The following COX7A2L variants were observed in gnomAD, a reference collection of about 807,000 sequenced individuals.
The protein encoded by COX7A2L is cytochrome c oxidase subunit 7A2-like, mitochondrial.
In COX7A2L, 18 loss-of-function variants were observed where a neutral mutation model predicts 14.2. That is an observed-to-expected ratio of 1.27 (90% CI 0.88 to 1.88). The LOEUF is 1.88. Ranked by LOEUF, COX7A2L falls within the 40% of genes most tolerant of loss-of-function variation. The pLI is 0.00. For missense variants in COX7A2L, 179 were observed against 138.8 expected (o/e 1.29, Z -1.46); for synonymous variants, 65 against 57.4 (o/e 1.13, Z -0.60).
chr2:42,366,272 A>G (rs911434419), intron 1 of COX7A2L, among the ~76,000 whole-genome samples: 6 of 152,304 alleles, frequency 3.9e-5, no homozygotes, highest in African/African-American at 1.4e-4. Context: ...TCTAAAATAC[A>G]AAAATTAGTC....
chr2:42,346,909 C>CT (rs931294608), downstream of COX7A2L, among the ~76,000 whole-genome samples: 7 of 151,820 alleles, frequency 4.6e-5, no homozygotes, highest in Admixed American at 1.3e-4. Flanking sequence ...CTCCAGAGTA[C>CT]TTTTTTTTAA....
intron 2 of COX7A2L, among the ~76,000 whole-genome samples, chr2:42,336,545 A>T (rs1452387169): frequency 3.9e-5 from 6 of 152,152 alleles, no homozygotes; most frequent in Non-Finnish European, 1.5e-5. Context: ...TGATCACAGT[A>T]ACCAAGCCCT....
chr2:42,362,423 C>G (rs1671078708), upstream of COX7A2L, among the ~76,000 whole-genome samples: 1 of 152,192 alleles, frequency 6.6e-6, no homozygotes, highest in Admixed American at 6.5e-5. Context: ...GCCCTAAACT[C>G]ATTTAATCTT....
At chr2:42,361,954 G>T (rs567106967), upstream of COX7A2L, 1 of 152,300 alleles carries the variant, frequency 6.6e-6, no homozygotes, top group Admixed American at 6.5e-5. Flanking sequence ...TAGCCTCCTG[G>T]GCTTTGTGCA....
At position 42,349,781 on chromosome 2, in the gene COX7A2L, A is replaced by G. The variant is rs937074515; in HGVS notation, c.*1438T>C. The G allele has an allele frequency of 6.6e-6, 1 of 152,236 alleles. No homozygotes were observed. The highest frequency in any genetic ancestry group is 1.5e-5 in the Non-Finnish European group (1 of 68,046). The allele number at this position is 152,236 out of a possible 1,614,324, so 9.4% of individuals were successfully genotyped here. A position where few individuals can be genotyped will look rare whatever the true frequency, so the allele number is the denominator to read the frequency against. The stretch of plus-strand genomic sequence containing the variant: ...TGGTTATAAAGGAACACATGTCCTT[A>G]CTCAGAAGATACCTGCTAAAGTACT... On this transcript the variant is annotated 3_prime_UTR_variant, in exon 3 of 3. Coordinates refer to ENST00000234301, the MANE Select transcript of COX7A2L (RefSeq NM_004718.4).
At chr2:42,364,306 T>C (rs994426782), upstream of COX7A2L, among the ~76,000 whole-genome samples, 6 of 150,112 alleles carry the variant, frequency 4.0e-5, no homozygotes, top group Non-Finnish European at 7.4e-5. Flanking sequence ...AAAAAACATG[T>C]AGGCCTGCAG....
chr2:42,352,060 G>A (rs561798790), intron 2 of COX7A2L, among the ~76,000 whole-genome samples: 2 of 152,266 alleles, frequency 1.3e-5, no homozygotes, highest in South Asian at 2.1e-4. Flanking sequence ...GGATGGGGTC[G>A]GAGTACCTCA....
intron 1 of COX7A2L, among the ~76,000 whole-genome samples, chr2:42,356,763 A>C (rs1202492391): frequency 6.6e-6 from 1 of 152,108 alleles, no homozygotes; most frequent in Non-Finnish European, 1.5e-5. Flanking sequence ...TTGTTTCTAC[A>C]AAATATCAAA....
At chr2:42,337,288 A>C (rs1026711880) in intron 2 of COX7A2L, among the ~76,000 whole-genome samples, 2 of 152,220 alleles carry the variant, frequency 1.3e-5, no homozygotes, top group African/African-American at 4.8e-5. Flanking sequence ...AATACTTAGC[A>C]AGAAAAAGGG....
At chr2:42,336,544 T>G (rs1670277958) in intron 2 of COX7A2L, among the ~76,000 whole-genome samples, 1 of 152,116 alleles carries the variant, frequency 6.6e-6, no homozygotes, top group South Asian at 2.1e-4. Flanking sequence ...CTGATCACAG[T>G]AACCAAGCCC....
At chr2:42,337,285 A>G (rs2103870455) in intron 2 of COX7A2L, among the ~76,000 whole-genome samples, 1 of 152,346 alleles carries the variant, frequency 6.6e-6, no homozygotes, top group Admixed American at 6.5e-5. Flanking sequence ...AATAATACTT[A>G]GCAAGAAAAA....
upstream of COX7A2L, among the ~76,000 whole-genome samples, chr2:42,363,001 G>C (rs1317085550): frequency 1.3e-5 from 2 of 151,330 alleles, no homozygotes; most frequent in African/African-American, 4.9e-5. Context: ...CAGTCTCCCG[G>C]GTAGCTGGAA....
chr2:42,340,456 C>G (rs1046207321), intron 2 of COX7A2L, among the ~76,000 whole-genome samples: 7 of 152,174 alleles, frequency 4.6e-5, no homozygotes, highest in African/African-American at 1.7e-4. Context: ...CAAACCAAAA[C>G]AAAAACATCC....
intron 1 of COX7A2L, among the ~76,000 whole-genome samples, chr2:42,356,689 G>A (rs1228651195): frequency 6.6e-6 from 1 of 152,226 alleles, no homozygotes; most frequent in Non-Finnish European, 1.5e-5. Context: ...CACTTTGGGA[G>A]GCTGAGGTGG....
In COX7A2L at chr2:42,342,494, C is replaced by T. The variant is rs1457211901; in HGVS notation, c.193-8625G>A. 2.6e-5 allele frequency among the ~76,000 whole-genome samples: 4 copies of T among 152,282 alleles called. No homozygotes were observed. Among genetic ancestry groups the T allele is most frequent in the East Asian group, 3.9e-4 (2 of 5,170 alleles). On this transcript the variant is annotated intron_variant, in intron 2 of 2. Coordinates refer to the COX7A2L transcript ENST00000468711. This position sits in a 1 kb window ranked among gnomAD's most constrained non-coding sequence, Gnocchi z 4.9. Reference sequence around the variant, plus strand: ...TAACTCCATCTGCTTTACTTTACAGCCCTTCCAAGGCTTCTTCCTAAAACC... The same window carrying T: ...TAACTCCATCTGCTTTACTTTACAGTCCTTCCAAGGCTTCTTCCTAAAACC...
intron 1 of COX7A2L, among the ~76,000 whole-genome samples, chr2:42,357,484 AT>A (rs34950261): frequency 7.4e-5 from 11 of 148,432 alleles, no homozygotes; most frequent in Admixed American, 1.3e-4. Context: ...AATTTTTCTT[AT>A]TTTTTTTTTA....
rs139430807 is a variant in COX7A2L at position 42,342,787 on chromosome 2, T to A, written c.193-8918A>T. On this transcript the variant is annotated intron_variant, in intron 2 of 2. Transcript: ENST00000468711. This position sits in a 1 kb window ranked among gnomAD's most constrained non-coding sequence, Gnocchi z 4.9. Reference sequence around the variant, plus strand: ...ACCTAAAGAATGCTCTTCCTGGCCATTCAGCGCCCCCCGTTTCGGGTTTTG... The same window carrying A: ...ACCTAAAGAATGCTCTTCCTGGCCAATCAGCGCCCCCCGTTTCGGGTTTTG... 2.0e-5 allele frequency among the ~76,000 whole-genome samples: 3 copies of A among 151,710 alleles called. No homozygotes were observed. Among genetic ancestry groups the A allele is most frequent in the Admixed American group, 6.5e-5 (1 of 15,288 alleles).
intron 1 of COX7A2L, among the ~76,000 whole-genome samples, chr2:42,367,448 T>C (rs1039521489): frequency 1.3e-5 from 2 of 150,872 alleles, no homozygotes; most frequent in Non-Finnish European, 3.0e-5. Context: ...TCCCGAGAAA[T>C]GGACAGGTCT....
intron 1 of COX7A2L, 113 bp from the exon 2 acceptor site, chr2:42,353,456 C>G: frequency 7.3e-7 from 1 of 1,373,574 alleles, no homozygotes; most frequent in Non-Finnish European, 1.0e-6. Flanking sequence ...TCCAACTTTC[C>G]CAGAGCAAAC....
Sources: allele counts gnomAD v4.1 joint callset (sites outside exome capture counted in the v4.1 genomes callset), GRCh38; gene constraint gnomAD v4.1.1; non-coding constraint Gnocchi (gnomAD v3.1); transcripts MANE v1.5; gene names NCBI Gene and HGNC (gene_info 2026-07-23, HGNC 2026-07-21).